VPS13B: variants seen among roughly 807,000 people sequenced by gnomAD.
The protein encoded by VPS13B is intermembrane lipid transfer protein VPS13B.
In VPS13B, 285 loss-of-function variants were observed where a neutral mutation model predicts 426.4. That is an observed-to-expected ratio of 0.67 (90% confidence interval 0.61 to 0.74). The LOEUF is 0.74. Among genes scored for constraint, VPS13B ranks in the 30% least tolerant of loss-of-function variants. The pLI, the probability that VPS13B is intolerant of heterozygous loss-of-function variation, is 0.00. For missense variants in VPS13B, 4,537 were observed against 4,782.6 expected, an observed-to-expected ratio of 0.95 and a Z score of 1.51; for synonymous variants, 1,676 against 1,676.4, an observed-to-expected ratio of 1.00 and a Z score of 0.01.
At chr8:99,548,190 G>A (rs1824091799) in intron 30 of VPS13B, among the ~76,000 whole-genome samples, 1 of 151,926 alleles carries the variant, frequency 6.6e-6, no homozygotes, top group South Asian at 2.1e-4. Context: ...TTCTGCAATT[G>A]TTGTTTGTGC....
chr8:99,048,640 C>A (rs1192840898), intron 3 of VPS13B, among the ~76,000 whole-genome samples: 1 of 151,916 alleles, frequency 6.6e-6, no homozygotes, highest in Non-Finnish European at 1.5e-5. Context: ...CATGGTGAAA[C>A]CCCTTCTCTG....
chr8:99,697,605 G>A lies in VPS13B; in HGVS notation c.6047-1920G>A, dbSNP rs1832087361. On this transcript the variant is annotated intron_variant, in intron 35 of 61. Coordinates refer to ENST00000357162, the MANE Select transcript of VPS13B (RefSeq NM_152564.5). ...AAGGAACTCTCAAAGACTGGTAGGT[G>A]AAGAAAAATATGTGAAAGCATCTAA... is the stretch of plus-strand genomic sequence containing the variant. 3 of 649,252 alleles carry A rather than the reference G, an allele frequency of 4.6e-6. No individual in the cohort carries two copies. In the South Asian group the frequency reaches 5.2e-5, roughly 11 times the overall value. 40.2% of individuals were successfully genotyped at this position (649,252 alleles called of 1,614,324 possible). A position where few individuals can be genotyped will look rare whatever the true frequency, so the allele number is the denominator to read the frequency against.
intron 12 of VPS13B, among the ~76,000 whole-genome samples, chr8:99,137,643 G>A (rs531943425): frequency 3.0e-4 from 45 of 152,134 alleles, no homozygotes; most frequent in African/African-American, 1.1e-3. Context: ...TAAATTTCTG[G>A]CTTCTGCTTT....
At chr8:99,026,941 A>G (rs1587930530) in intron 2 of VPS13B, among the ~76,000 whole-genome samples, 1 of 151,990 alleles carries the variant, frequency 6.6e-6, no homozygotes, top group South Asian at 2.1e-4. Flanking sequence ...CAGCGGTGCA[A>G]TCTTGGCTCA....
intron 25 of VPS13B, among the ~76,000 whole-genome samples, chr8:99,484,783 C>T (rs1223700336): frequency 6.7e-6 from 1 of 149,216 alleles, no homozygotes; most frequent in Non-Finnish European, 1.5e-5. Flanking sequence ...AAAGTTAGAT[C>T]AATGCCTTAA....
chr8:99,208,091 C>A (rs1044508440), intron 17 of VPS13B, among the ~76,000 whole-genome samples: 1 of 152,180 alleles, frequency 6.6e-6, no homozygotes, highest in Non-Finnish European at 1.5e-5. Context: ...AAGCCTTGGG[C>A]TGCTTAAAAT....
In VPS13B at chr8:99,821,497, T is replaced by C. The variant is rs769666752; in HGVS notation, c.9183+15T>C. On this transcript the variant is annotated intron_variant, in intron 50 of 61. Transcript: ENST00000357162. ...GACATCAGAAGGTAAGATCAAAGTC[T>C]ATGTGGCTGGGAGGAAATAGCATGC... 5 of 1,613,406 alleles carry C rather than the reference T, an allele frequency of 3.1e-6. No homozygotes were observed. The highest frequency in any genetic ancestry group is 1.6e-4 in the Middle Eastern group (1 of 6,080).
intron 30 of VPS13B, among the ~76,000 whole-genome samples, chr8:99,524,953 ATGT>A (rs1306839120): frequency 6.6e-6 from 1 of 152,252 alleles, no homozygotes; most frequent in Non-Finnish European, 1.5e-5. Flanking sequence ...TCCTTCATAC[ATGT>A]TGTAGCAGAA....
At chr8:99,153,334 T>C (rs1334995318) in intron 14 of VPS13B, among the ~76,000 whole-genome samples, 1 of 152,224 alleles carries the variant, frequency 6.6e-6, no homozygotes, top group Non-Finnish European at 1.5e-5. Context: ...ACATCAACCA[T>C]ACTTCTTGCT....
chr8:99,678,440 T>C (rs1315328466), intron 35 of VPS13B, among the ~76,000 whole-genome samples: 1 of 152,166 alleles, frequency 6.6e-6, no homozygotes, highest in Non-Finnish European at 1.5e-5. Flanking sequence ...CCCTGCCAAA[T>C]TTATTTGAAT....
rs1440017130 is a variant in VPS13B, at chr8:99,853,929, T to C, written c.10540T>C (p.Tyr3514His). 5.0e-6 allele frequency: 8 copies of C among 1,614,260 alleles called. No individual in the cohort carries two copies. The Middle Eastern group carries it at 8.2e-4, about 166-fold the overall frequency. Residue 3514 changes from tyrosine (Y) to histidine (H), a missense_variant, in exon 56 of 62, where the codon TAC (tyrosine) becomes CAC (histidine). Coordinates refer to ENST00000357162, the MANE Select transcript of VPS13B (RefSeq NM_152564.5). Reference protein sequence around the residue: ...ARLYVEDTFVYYIKTLFDTYL... With the variant: ...ARLYVEDTFVHYIKTLFDTYL... ...GTTATACGTGGAAGACACATTTGTA[T>C]ACTACATCAAGACTTTGTTTGACAC...
rs894149738 is a variant in VPS13B, at chr8:99,251,129, G to GT, written c.2516-23063dup. On this transcript the variant is annotated intron_variant, in intron 17 of 61. Transcript: ENST00000357162. The stretch of plus-strand genomic sequence containing the variant: ...GACGGACAGCATTGCTTTTTTGTTT[G>GT]TTTTTTCCATTTCCCATCTGTATAC... 5.3e-5 allele frequency among the ~76,000 whole-genome samples: 8 copies of GT among 151,990 alleles called. No homozygotes were observed. In the East Asian group the frequency reaches 1.4e-3, roughly 26 times the overall value.
chr8:99,498,504 C>T (rs1821051610), intron 25 of VPS13B, among the ~76,000 whole-genome samples: 1 of 150,508 alleles, frequency 6.6e-6, no homozygotes, highest in Non-Finnish European at 1.5e-5. Context: ...ATGTTGTGCA[C>T]AAGTACCCTA....
intron 55 of VPS13B, 80 bp downstream of exon 55, chr8:99,848,974 A>G: frequency 7.8e-7 from 1 of 1,274,924 alleles, no homozygotes; most frequent in Non-Finnish European, 1.1e-6. Flanking sequence ...TATCTTTGTC[A>G]TCTCCACATA....
intron 2 of VPS13B, among the ~76,000 whole-genome samples, chr8:99,026,023 A>G (rs1563490093): frequency 6.6e-6 from 1 of 151,980 alleles, no homozygotes; most frequent in East Asian, 1.9e-4. Flanking sequence ...GATCCTCATA[A>G]TATCTTTCCT....
chr8:99,756,840 G>A (rs1051071496), intron 39 of VPS13B, among the ~76,000 whole-genome samples: 2 of 152,168 alleles, frequency 1.3e-5, no homozygotes, highest in African/African-American at 4.8e-5. Flanking sequence ...ATTGTAAATG[G>A]CACATTATGG....
chr8:99,588,228 G>T (rs1303839145), intron 33 of VPS13B, among the ~76,000 whole-genome samples: 1 of 151,690 alleles, frequency 6.6e-6, no homozygotes, highest in Non-Finnish European at 1.5e-5. Flanking sequence ...TAGCCTTGTA[G>T]TATAGTTTGA....
chr8:99,792,199 A>G (rs1358096774), intron 43 of VPS13B, among the ~76,000 whole-genome samples: 1 of 152,194 alleles, frequency 6.6e-6, no homozygotes, highest in African/African-American at 2.4e-5. Flanking sequence ...AGCAGTCATA[A>G]GAGAATCCAG....
intron 35 of VPS13B, among the ~76,000 whole-genome samples, chr8:99,688,293 A>T (rs543932215): frequency 3.4e-4 from 51 of 152,082 alleles, no homozygotes; most frequent in Non-Finnish European, 5.7e-4. Flanking sequence ...ATCTAAAGAC[A>T]ATTGGTCTAG....
Sources: gnomAD v4.1 joint callset for allele counts (sites outside exome capture counted in the v4.1 genomes callset) on GRCh38, gnomAD v4.1.1 for gene constraint, MANE v1.5 for transcripts, NCBI Gene and HGNC (gene_info 2026-07-23, HGNC 2026-07-21) for gene names.